Variants in DNER observed in about 807,000 individuals in gnomAD.
DNER encodes the protein delta and Notch-like epidermal growth factor-related receptor.
In DNER, 33 loss-of-function variants were observed where a neutral mutation model predicts 78.2. That is an observed-to-expected ratio of 0.42 (90% CI 0.32 to 0.56). The LOEUF (loss-of-function observed/expected upper bound fraction) is 0.56. Ranked by LOEUF, DNER falls within the 20% of genes least tolerant of loss-of-function variation. The pLI is 0.11. For synonymous variants in DNER, 417 were observed against 384.8 expected, an observed-to-expected ratio of 1.08 and a Z score of -0.98; for missense variants, 918 against 975.3, an observed-to-expected ratio of 0.94 and a Z score of 0.78.
intron 1 of DNER, among the ~76,000 whole-genome samples, chr2:229,706,396 C>A (rs376875880): frequency 8.2e-3 from 978 of 119,218 alleles, no homozygotes; most frequent in Non-Finnish European, 9.7e-3. Flanking sequence ...AGTAAAAATA[C>A]AAAAAAAAAA....
At chr2:229,476,802 T>C (rs1172115013) in intron 7 of DNER, among the ~76,000 whole-genome samples, 1 of 142,498 alleles carries the variant, frequency 7.0e-6, no homozygotes, top group African/African-American at 2.5e-5. Context: ...GAACTTTGTG[T>C]TGAATTTTTA....
chr2:229,493,094 C>T (rs1695436497), intron 6 of DNER, among the ~76,000 whole-genome samples: 1 of 152,100 alleles, frequency 6.6e-6, no homozygotes, highest in African/African-American at 2.4e-5. Flanking sequence ...AGGAGGTGAC[C>T]CATTTCAAAC....
At chr2:229,644,359 T>C (rs1293210144) in intron 1 of DNER, among the ~76,000 whole-genome samples, 1 of 131,108 alleles carries the variant, frequency 7.6e-6, no homozygotes, top group South Asian at 2.6e-4. Context: ...TTTTTTTTTT[T>C]TTGAGCTGGA....
intron 8 of DNER, among the ~76,000 whole-genome samples, chr2:229,433,712 T>C (rs540942470): frequency 6.6e-6 from 1 of 152,326 alleles, no homozygotes; most frequent in East Asian, 1.9e-4. Flanking sequence ...ATTAGAAGTA[T>C]TTAATACAGC....
intron 1 of DNER, among the ~76,000 whole-genome samples, chr2:229,598,968 G>A (rs918092234): frequency 3.9e-5 from 6 of 152,264 alleles, no homozygotes; most frequent in East Asian, 1.9e-4. Context: ...GAACCGAGCC[G>A]ACCAGAGGTC....
chr2:229,395,855 G>A (rs1370758158), intron 10 of DNER, among the ~76,000 whole-genome samples: 7 of 152,036 alleles, frequency 4.6e-5, no homozygotes, highest in South Asian at 2.1e-4. Context: ...CGGAGATGGC[G>A]CCATTGCACT....
rs547308903 is a variant in DNER at position 229,591,108 on chromosome 2, C to A, written c.585+472G>T. Among the ~76,000 whole-genome samples the A allele has an allele frequency of 2.0e-3, 311 of 152,336 alleles. No homozygotes were observed. The highest frequency in any genetic ancestry group is 6.9e-3 in the African/African-American group (287 of 41,578). On this transcript the variant is annotated intron_variant, in intron 2 of 12. Transcript: ENST00000341772. This position sits in a 1 kb window ranked among gnomAD's most constrained non-coding sequence, Gnocchi z 4.6. Reference sequence around the variant, plus strand: ...TGAAGAACAATGAGCCAATAAACTTCTTTTCTCTATAAATTGCCCAGCCTC... The same window carrying A: ...TGAAGAACAATGAGCCAATAAACTTATTTTCTCTATAAATTGCCCAGCCTC...
At chr2:229,528,175 C>T (rs2154212751) in intron 5 of DNER, among the ~76,000 whole-genome samples, 1 of 152,384 alleles carries the variant, frequency 6.6e-6, no homozygotes, top group East Asian at 1.9e-4. Flanking sequence ...ACAATCCCTT[C>T]TGTTGGCCAG....
intron 1 of DNER, among the ~76,000 whole-genome samples, chr2:229,668,420 A>ATATATATATATATATATATATATACACT (rs1699133667): frequency 0.066 from 90 of 1,354 alleles, 1 homozygote; most frequent in Admixed American, 0.16. Context: ...ATATTCTTTT[A>ATATATATATATATATATATATATACACT]TATATATATA....
At chr2:229,609,178 ACG>A (rs1697999261) in intron 1 of DNER, among the ~76,000 whole-genome samples, 1 of 152,188 alleles carries the variant, frequency 6.6e-6, no homozygotes, top group Non-Finnish European at 1.5e-5. Context: ...AGCTAAGATC[ACG>A]CCACTGCACT....
intron 9 of DNER, among the ~76,000 whole-genome samples, chr2:229,413,510 A>C (rs1046610768): frequency 6.6e-6 from 1 of 150,664 alleles, no homozygotes; most frequent in Non-Finnish European, 1.5e-5. Context: ...TTTAGTAGAG[A>C]TGGGGTTTCA....
chr2:229,673,640 T>C (rs1699249660), intron 1 of DNER, among the ~76,000 whole-genome samples: 1 of 152,232 alleles, frequency 6.6e-6, no homozygotes, highest in African/African-American at 2.4e-5. Flanking sequence ...GGAAGACCCA[T>C]GGCCGATCAT....
intron 1 of DNER, among the ~76,000 whole-genome samples, chr2:229,693,910 A>G (rs2154217452): frequency 6.6e-6 from 1 of 152,354 alleles, no homozygotes; most frequent in African/African-American, 2.4e-5. Flanking sequence ...AAACAATGGG[A>G]AAAATGTCTC....
At chr2:229,545,117 G>A (rs1696596620) in intron 5 of DNER, among the ~76,000 whole-genome samples, 1 of 152,208 alleles carries the variant, frequency 6.6e-6, no homozygotes, top group South Asian at 2.1e-4. Flanking sequence ...ATAGAAATAT[G>A]TGTATAACTA....
At chr2:229,678,713 T>C (rs1699337576) in intron 1 of DNER, among the ~76,000 whole-genome samples, 1 of 152,196 alleles carries the variant, frequency 6.6e-6, no homozygotes, top group African/African-American at 2.4e-5. Flanking sequence ...TTCCTCTGGA[T>C]TTTAGAGCCT....
At chr2:229,521,830 T>C (rs1208550622) in intron 5 of DNER, among the ~76,000 whole-genome samples, 2 of 152,164 alleles carry the variant, frequency 1.3e-5, no homozygotes, top group African/African-American at 2.4e-5. Flanking sequence ...AACACAGTGC[T>C]CAAAGAAAAA....
At chr2:229,426,163 C>T (rs116540871) in intron 8 of DNER, among the ~76,000 whole-genome samples, 1,702 of 152,148 alleles carry the variant, frequency 0.011, 41 homozygotes, top group African/African-American at 0.039. Flanking sequence ...ATATGGGGGC[C>T]GGGCGCGGTG....
At chr2:229,458,345 C>T (rs1233252924) in intron 7 of DNER, among the ~76,000 whole-genome samples, 2 of 151,458 alleles carry the variant, frequency 1.3e-5, no homozygotes, top group African/African-American at 2.4e-5. Context: ...AATATGTAGG[C>T]GCCTAATAAG....
At chr2:229,530,538 G>A (rs1370412918) in intron 5 of DNER, among the ~76,000 whole-genome samples, 1 of 152,246 alleles carries the variant, frequency 6.6e-6, no homozygotes, top group Non-Finnish European at 1.5e-5. Flanking sequence ...ACGAACTACA[G>A]TCACACAGAA....
Sources: allele counts gnomAD v4.1 joint callset (sites outside exome capture counted in the v4.1 genomes callset), GRCh38; gene constraint gnomAD v4.1.1; non-coding constraint Gnocchi (gnomAD v3.1); transcripts MANE v1.5; gene names NCBI Gene and HGNC (gene_info 2026-07-23, HGNC 2026-07-21).